The following RANBP3L variants were observed in gnomAD, a reference collection of about 807,000 sequenced individuals.
The protein encoded by RANBP3L is RAN binding protein 3 like.
In RANBP3L, 56 loss-of-function variants were observed where a neutral mutation model predicts 67.2. The observed-to-expected ratio is 0.83, with a 90% CI of 0.67 to 1.04. RANBP3L has a LOEUF of 1.04. Ranked by LOEUF, RANBP3L falls within the 50% of genes least tolerant of loss-of-function variation. The pLI is 0.00. For synonymous variants in RANBP3L, 164 were observed against 181.4 expected, an observed-to-expected ratio of 0.90 and a Z score of 0.77; for missense variants, 496 against 535.5, an observed-to-expected ratio of 0.93 and a Z score of 0.73.
chr5:36,288,111 T>C (rs573258302), intron 1 of RANBP3L, among the ~76,000 whole-genome samples: 6 of 152,304 alleles, frequency 3.9e-5, no homozygotes, highest in Non-Finnish European at 7.4e-5. Context: ...CAAAACCCTA[T>C]CAAGATATAA....
At chr5:36,251,122 A>G (rs1304034243) in intron 13 of RANBP3L, among the ~76,000 whole-genome samples, 191 bp downstream of exon 13, 1 of 152,166 alleles carries the variant, frequency 6.6e-6, no homozygotes, top group Non-Finnish European at 1.5e-5. Context: ...AGCTGACTTG[A>G]TAAAATGAAG....
Position 36,268,290 on chromosome 5 carries a change from A to G in RANBP3L, c.268+1100T>C, listed in dbSNP as rs1286598935. ...ACACTAAAAGCAGATTGCAAACTAA[A>G]GTCAGTAAGAAAGTGGGTTTTTTGT... On this transcript the variant is annotated intron_variant, in intron 4 of 13. Transcript: ENST00000296604. 9 of 1,492,028 alleles carry G rather than the reference A, an allele frequency of 6.0e-6. No individual in the cohort carries two copies. The African/African-American group carries it at 7.1e-5, about 12-fold the overall frequency. 92.4% of individuals were successfully genotyped at this position (1,492,028 alleles called of 1,614,324 possible). A position where few individuals can be genotyped will look rare whatever the true frequency, so the allele number is the denominator to read the frequency against.
chr5:36,265,398 T>C (rs758126881), intron 5 of RANBP3L, 51 bp downstream of exon 5: 2 of 1,194,912 alleles, frequency 1.7e-6, no homozygotes, highest in South Asian at 1.3e-5. Context: ...GATGAAAATA[T>C]AGGTGGTAAA....
Position 36,257,571 on chromosome 5 carries a change from A to T in RANBP3L, c.670-15T>A. ...TTTTGAGTACCCTGAGAGCGGAAAA[A>T]GATGCATTATTTTATTTAATAAAAG... On this transcript the variant is annotated splice_polypyrimidine_tract_variant and intron_variant, in intron 8 of 13. Coordinates refer to ENST00000296604, the MANE Select transcript of RANBP3L (RefSeq NM_145000.5). 8.7e-7 allele frequency: 1 copy of T among 1,150,408 alleles called. No homozygotes were observed. The highest frequency in any genetic ancestry group is 2.5e-5 in the East Asian group (1 of 39,764). 71.3% of individuals were successfully genotyped at this position (1,150,408 alleles called of 1,614,324 possible).
intron 1 of RANBP3L, among the ~76,000 whole-genome samples, chr5:36,294,987 C>CAT (rs1319902567): frequency 6.7e-6 from 1 of 149,958 alleles, no homozygotes; most frequent in Non-Finnish European, 1.5e-5. Context: ...TATACACACA[C>CAT]ATATATATAC....
At chr5:36,298,333 A>G (rs1367502188) in intron 1 of RANBP3L, among the ~76,000 whole-genome samples, 1 of 151,606 alleles carries the variant, frequency 6.6e-6, no homozygotes, top group African/African-American at 2.4e-5. Context: ...GAAAATATGT[A>G]TGTGTTGAAG....
intron 13 of RANBP3L, 91 bp downstream of exon 13, chr5:36,251,222 T>C (rs939815669): frequency 9.4e-6 from 10 of 1,066,464 alleles, no homozygotes; most frequent in Admixed American, 7.8e-5. Context: ...ACAGAGCAGT[T>C]CCACTTGTTA....
chr5:36,298,968 C>T (rs916173556), intron 1 of RANBP3L, among the ~76,000 whole-genome samples: 5 of 152,010 alleles, frequency 3.3e-5, no homozygotes, highest in African/African-American at 1.2e-4. Context: ...CTGGGTGTGT[C>T]TGTGAGGGCG....
intron 1 of RANBP3L, among the ~76,000 whole-genome samples, chr5:36,299,365 G>GTGTGTGTGTGTGTGTGTA (rs1554021667): frequency 2.0e-5 from 3 of 148,000 alleles, no homozygotes; most frequent in African/African-American, 7.6e-5. Context: ...GTGTGTGTGT[G>GTGTGTGTGTGTGTGTGTA]TATATATCCT....
At chr5:36,284,452 A>G (rs185947241) in intron 1 of RANBP3L, among the ~76,000 whole-genome samples, 2 of 152,368 alleles carry the variant, frequency 1.3e-5, no homozygotes, top group East Asian at 3.9e-4. Context: ...AATGTTAATT[A>G]AAATTTTAAG....
At chr5:36,271,028 C>T (rs952439307) in intron 2 of RANBP3L, among the ~76,000 whole-genome samples, 2 of 152,148 alleles carry the variant, frequency 1.3e-5, no homozygotes, top group Non-Finnish European at 2.9e-5. Flanking sequence ...ATTACCATAG[C>T]GAAACAGTAT....
chr5:36,287,837 A>G (rs1175767567), intron 1 of RANBP3L, among the ~76,000 whole-genome samples: 1 of 152,180 alleles, frequency 6.6e-6, no homozygotes, highest in Non-Finnish European at 1.5e-5. Context: ...CTAAAGTTAT[A>G]CTAACATTTT....
intron 1 of RANBP3L, among the ~76,000 whole-genome samples, chr5:36,294,885 CT>C (rs1021754120): frequency 7.5e-5 from 11 of 146,570 alleles, no homozygotes; most frequent in African/African-American, 2.7e-4. Flanking sequence ...TATATATACA[CT>C]ATATATACAT....
At chr5:36,296,983 C>T (rs1004232889) in intron 1 of RANBP3L, among the ~76,000 whole-genome samples, 2 of 151,352 alleles carry the variant, frequency 1.3e-5, no homozygotes, top group African/African-American at 2.5e-5. Flanking sequence ...GAGTGAATTT[C>T]TTAAAATAAA....
intron 1 of RANBP3L, among the ~76,000 whole-genome samples, chr5:36,282,541 G>A (rs906110760): frequency 7.2e-5 from 11 of 152,154 alleles, no homozygotes; most frequent in South Asian, 6.2e-4. Flanking sequence ...GACACAGGCC[G>A]GATGGAGAAG....
At chr5:36,264,631 G>C (rs181033240) in intron 6 of RANBP3L, among the ~76,000 whole-genome samples, 1 of 152,282 alleles carries the variant, frequency 6.6e-6, no homozygotes, top group East Asian at 1.9e-4. Flanking sequence ...GAAAATCCCT[G>C]CCTCTTTTTT....
At chr5:36,292,315 A>AGTAGGCTGCGAAAATTTTCTCCCATTTT (rs1462414624) in intron 1 of RANBP3L, among the ~76,000 whole-genome samples, 13 of 151,856 alleles carry the variant, frequency 8.6e-5, no homozygotes, top group Non-Finnish European at 1.9e-4. Context: ...TTGTCAGATG[A>AGTAGGCTGCGAAAATTTTCTCCCATTTT]GTAGGCTGCG....
At chr5:36,261,136 G>C (rs1175666112) in intron 7 of RANBP3L, among the ~76,000 whole-genome samples, 1 of 152,102 alleles carries the variant, frequency 6.6e-6, no homozygotes, top group African/African-American at 2.4e-5. Flanking sequence ...AGCCAGGAGG[G>C]CTTCCCAACC....
rs1748335546 is a variant in RANBP3L, at chr5:36,246,927, A to T, written c.*2727T>A. On this transcript the variant is annotated 3_prime_UTR_variant, in exon 14 of 14. Coordinates refer to ENST00000296604, the MANE Select transcript of RANBP3L (RefSeq NM_145000.5). ...GGAAAATAATATTTTTTAAGAGAGA[A>T]CATTTTAATTGTCTATAATTAGGGT... Among the ~76,000 whole-genome samples the T allele has an allele frequency of 6.6e-6, 1 of 152,204 alleles. No homozygotes were observed. Among genetic ancestry groups the T allele is most frequent in the African/African-American group, 2.4e-5 (1 of 41,458 alleles).
Sources: allele counts gnomAD v4.1 joint callset (sites outside exome capture counted in the v4.1 genomes callset), GRCh38; gene constraint gnomAD v4.1.1; transcripts MANE v1.5; gene names NCBI Gene and HGNC (gene_info 2026-07-23, HGNC 2026-07-21).